The following MAF variants were observed in gnomAD, a reference collection of about 807,000 sequenced individuals.
MAF encodes transcription factor Maf.
In MAF, 10 loss-of-function variants were observed where a neutral mutation model predicts 22.0. That is an observed-to-expected ratio of 0.45 (90% CI 0.28 to 0.77). The LOEUF (loss-of-function observed/expected upper bound fraction) is 0.77. Ranked by LOEUF, MAF falls within the 30% of genes least tolerant of loss-of-function variation. The pLI, the probability that MAF is intolerant of heterozygous loss-of-function variation, is 0.12. For missense variants in MAF, 544 were observed against 548.4 expected (o/e 0.99, Z 0.08); for synonymous variants, 337 against 255.8 (o/e 1.32, Z -3.03).
At chr16:79,526,587 G>C in the MAF span, among the ~76,000 whole-genome samples, 1 of 152,340 alleles carries the variant, frequency 6.6e-6, no homozygotes. Context: ...ACTATCAGGA[G>C]ATAGGTCTTA....
the MAF span, among the ~76,000 whole-genome samples, chr16:79,350,727 C>A: frequency 5.9e-5 from 9 of 152,236 alleles, no homozygotes; most frequent in African/African-American, 1.9e-4. Flanking sequence ...ATGGGAGGGA[C>A]CCTGCAGGGA....
the MAF span, among the ~76,000 whole-genome samples, chr16:79,556,008 TTTG>T: frequency 6.9e-6 from 1 of 144,946 alleles, no homozygotes; most frequent in Admixed American, 6.9e-5. Context: ...TTTAGTTTGT[TTTG>T]TTAGTTTAGT....
At chr16:79,510,580 C>G in the MAF span, among the ~76,000 whole-genome samples, 1 of 152,102 alleles carries the variant, frequency 6.6e-6, no homozygotes, top group East Asian at 1.9e-4. Flanking sequence ...AGTTGCTCAT[C>G]AAAGGGACAA....
At chr16:79,315,908 C>T in the MAF span, among the ~76,000 whole-genome samples, 1 of 152,204 alleles carries the variant, frequency 6.6e-6, no homozygotes, top group African/African-American at 2.4e-5. Context: ...CATCAATCTG[C>T]TCCTGGGTGT....
At chr16:79,556,793 A>G in the MAF span, among the ~76,000 whole-genome samples, 47 of 152,296 alleles carry the variant, frequency 3.1e-4, no homozygotes, top group African/African-American at 9.6e-4. Flanking sequence ...CTATGCCTCA[A>G]TTTACACATC....
the MAF span, among the ~76,000 whole-genome samples, chr16:79,491,277 T>C: frequency 6.6e-6 from 1 of 152,154 alleles, no homozygotes; most frequent in Non-Finnish European, 1.5e-5. Context: ...AGTGGGCAGT[T>C]AGAGGAACCG....
the MAF span, among the ~76,000 whole-genome samples, chr16:79,541,347 G>A: frequency 3.9e-5 from 6 of 152,166 alleles, no homozygotes; most frequent in East Asian, 1.9e-4. Flanking sequence ...GCACCTGTTC[G>A]TGCAGAAAAT....
chr16:79,386,422 G>C, the MAF span, among the ~76,000 whole-genome samples: 4 of 152,054 alleles, frequency 2.6e-5, no homozygotes, highest in South Asian at 6.2e-4. Flanking sequence ...ATGCTCCTTT[G>C]AGAATCTAAT....
chr16:79,217,621 C>T, the MAF span, among the ~76,000 whole-genome samples: 2 of 152,276 alleles, frequency 1.3e-5, no homozygotes, highest in Non-Finnish European at 2.9e-5. Flanking sequence ...TCTGATGCTA[C>T]AGAATCCACC....
chr16:79,446,181 G>C, the MAF span, among the ~76,000 whole-genome samples: 48 of 152,172 alleles, frequency 3.2e-4, no homozygotes, highest in African/African-American at 1.1e-3. Context: ...TGTCTCTCTA[G>C]GATATTTGCT....
At chr16:79,490,046 C>T in the MAF span, among the ~76,000 whole-genome samples, 6 of 152,118 alleles carry the variant, frequency 3.9e-5, no homozygotes, top group Admixed American at 6.5e-5. Context: ...TGGTTTGGAA[C>T]GGGTGTGTCT....
chr16:79,340,068 G>A, the MAF span, among the ~76,000 whole-genome samples: 1 of 152,158 alleles, frequency 6.6e-6, no homozygotes, highest in African/African-American at 2.4e-5. Flanking sequence ...TAAAGTGCCT[G>A]TTCATCCAAT....
chr16:79,436,684 C>A, the MAF span, among the ~76,000 whole-genome samples: 1 of 152,292 alleles, frequency 6.6e-6, no homozygotes, highest in South Asian at 2.1e-4. Context: ...AAAAGGGAGA[C>A]CCTTGGGCTA....
chr16:79,272,783 C>T, the MAF span, among the ~76,000 whole-genome samples: 2 of 152,106 alleles, frequency 1.3e-5, no homozygotes, highest in African/African-American at 2.4e-5. Context: ...AATTCGGTAA[C>T]GAGAGGAGCA....
chr16:79,575,731 G>A, the MAF span, among the ~76,000 whole-genome samples: 10 of 152,260 alleles, frequency 6.6e-5, no homozygotes, highest in East Asian at 3.9e-4. Flanking sequence ...AATTTTTCCC[G>A]CTAGCCAGCT....
At chr16:79,482,056 G>T in the MAF span, among the ~76,000 whole-genome samples, 3 of 152,126 alleles carry the variant, frequency 2.0e-5, no homozygotes, top group East Asian at 5.8e-4. Context: ...GGGGTTCGGG[G>T]GCAGGCAAGA....
the MAF span, among the ~76,000 whole-genome samples, chr16:79,481,293 C>A: frequency 6.6e-6 from 1 of 151,880 alleles, no homozygotes; most frequent in East Asian, 1.9e-4. Flanking sequence ...TAAAATTCAC[C>A]CATTTAAAGT....
At chr16:79,371,752 G>A in the MAF span, among the ~76,000 whole-genome samples, 1 of 152,190 alleles carries the variant, frequency 6.6e-6, no homozygotes, top group African/African-American at 2.4e-5. Flanking sequence ...AAACCCCTGT[G>A]CTTGGCCCAC....
At chr16:79,212,135 G>T in the MAF span, 7 of 1,527,624 alleles carry the variant, frequency 4.6e-6, no homozygotes, top group African/African-American at 6.9e-5. Context: ...AATAGCCTGA[G>T]GTCCCCTCGT....
Sources: gnomAD v4.1 joint callset for allele counts (sites outside exome capture counted in the v4.1 genomes callset) on GRCh38, gnomAD v4.1.1 for gene constraint, MANE v1.5 for transcripts, NCBI Gene and HGNC (gene_info 2026-07-23, HGNC 2026-07-21) for gene names.